The following NINJ2 variants were observed in gnomAD, a reference collection of about 807,000 sequenced individuals.
The protein encoded by NINJ2 is ninjurin-2.
A neutral mutation model predicts 11.7 loss-of-function variants in NINJ2; 12 were observed. The observed-to-expected ratio is 1.02, with a 90% CI of 0.66 to 1.66. NINJ2 has a LOEUF of 1.66. Ranked by LOEUF, NINJ2 falls within the 40% of genes most tolerant of loss-of-function variation. NINJ2 has a pLI of 0.00. For synonymous variants in NINJ2, 93 were observed against 76.8 expected (o/e 1.21, Z -1.10); for missense variants, 187 against 181.8 (o/e 1.03, Z -0.16).
chr12:612,209 A>T (rs1258107963), intron 1 of NINJ2, among the ~76,000 whole-genome samples: 1 of 152,168 alleles, frequency 6.6e-6, no homozygotes, highest in Non-Finnish European at 1.5e-5. Context: ...CTGCACGCAG[A>T]CTATTACACA....
chr12:621,930 G>A (rs1196755096), intron 1 of NINJ2, among the ~76,000 whole-genome samples: 1 of 151,814 alleles, frequency 6.6e-6, no homozygotes, highest in African/African-American at 2.4e-5. Flanking sequence ...TCAGGAGTTC[G>A]TGACCAGCCT....
intron 1 of NINJ2, among the ~76,000 whole-genome samples, chr12:568,884 C>A (rs1031236208): frequency 3.2e-5 from 4 of 124,402 alleles, no homozygotes; most frequent in African/African-American, 7.4e-5. Context: ...ACACCCCCCC[C>A]CCCCCGCCCC....
chr12:647,751 A>G (rs971703510), intron 1 of NINJ2, among the ~76,000 whole-genome samples: 2 of 152,220 alleles, frequency 1.3e-5, no homozygotes, highest in Non-Finnish European at 1.5e-5. Context: ...GTGAAAATAC[A>G]GATTGCAGAA....
chr12:609,789 A>AAAAAG (rs71439346), intron 1 of NINJ2, among the ~76,000 whole-genome samples: 5 of 116,628 alleles, frequency 4.3e-5, no homozygotes, highest in Non-Finnish European at 9.2e-5. Flanking sequence ...AAAAAAAAAT[A>AAAAAG]GGGAAAACAA....
intron 1 of NINJ2, among the ~76,000 whole-genome samples, chr12:567,320 TG>T (rs36018882): frequency 0.34 from 51,250 of 151,682 alleles, 8,845 homozygotes; most frequent in East Asian, 0.59. Context: ...ACCTGCTGCG[TG>T]GGGACAGATG....
chr12:606,330 T>TA (rs1335935159), intron 1 of NINJ2, among the ~76,000 whole-genome samples: 2 of 152,088 alleles, frequency 1.3e-5, no homozygotes, highest in African/African-American at 4.8e-5. Context: ...ATGATAGAGA[T>TA]AAAAAATTAG....
At chr12:639,573 G>A (rs184382091) in intron 1 of NINJ2, among the ~76,000 whole-genome samples, 1 of 152,230 alleles carries the variant, frequency 6.6e-6, no homozygotes, top group East Asian at 1.9e-4. Flanking sequence ...AGTCCCCATT[G>A]CCACCCTAAC....
chr12:639,233 C>T (rs1470876776), intron 1 of NINJ2, among the ~76,000 whole-genome samples: 2 of 152,130 alleles, frequency 1.3e-5, no homozygotes, highest in Admixed American at 1.3e-4. Context: ...AAATAAATGT[C>T]TAAGTCAGTT....
chr12:565,365 C>T lies in NINJ2; in HGVS notation c.299G>A (p.Arg100Gln), dbSNP rs142270523. Reference sequence around the variant, plus strand: ...GGCTGCGTTGTTGAGCTGGTTGAGTCGCCACTGCTTTTCTACCTCATTCAG... The same window carrying T: ...GGCTGCGTTGTTGAGCTGGTTGAGTTGCCACTGCTTTTCTACCTCATTCAG... ...LNLNEVEKQW[R>Q]LNQLNNAATI... Residue 100 changes from arginine to glutamine, a missense_variant, in exon 3 of 4, where the codon CGA (arginine) becomes CAA (glutamine). Transcript: ENST00000305108. 3.5e-5 allele frequency: 57 copies of T among 1,614,042 alleles called. No individual in the cohort carries two copies. The highest frequency in any genetic ancestry group is 2.4e-4 in the East Asian group (11 of 44,906).
chr12:610,466 GGA>G, intron 1 of NINJ2: 1 of 1,534,568 alleles, frequency 6.5e-7, no homozygotes, highest in East Asian at 2.4e-5. Flanking sequence ...GTGGCTGAGA[GGA>G]AAAGGGTCAG....
At chr12:570,076 T>G (rs1480063977) in intron 1 of NINJ2, among the ~76,000 whole-genome samples, 2 of 152,182 alleles carry the variant, frequency 1.3e-5, no homozygotes, top group African/African-American at 4.8e-5. Context: ...CAAGTCTGGA[T>G]GGGCCGAACT....
At chr12:588,216 G>A (rs201389860) in intron 1 of NINJ2, among the ~76,000 whole-genome samples, 1,530 of 116,522 alleles carry the variant, frequency 0.013, 43 homozygotes, top group East Asian at 0.11. Context: ...AAGGGACGGA[G>A]GGGACGGAAG....
At chr12:611,364 G>A (rs1168201128) in intron 1 of NINJ2, among the ~76,000 whole-genome samples, 1 of 99,374 alleles carries the variant, frequency 1.0e-5, no homozygotes, top group Non-Finnish European at 2.1e-5. Flanking sequence ...CTTTCTTTTT[G>A]TCTTGCTCTG....
rs576524701 is a variant in NINJ2 at position 567,851 on chromosome 12, C to CA, written c.34-1674dup. Among the ~76,000 whole-genome samples the CA allele has an allele frequency of 2.6e-4, 39 of 152,112 alleles. 1 individual carries two copies. The South Asian group carries it at 7.9e-3, about 31-fold the overall frequency. The stretch of plus-strand genomic sequence containing the variant: ...CAAAATCCCGTCTCTACTAAAAATA[C>CA]AAAAAAATCAGCTGGGTATGGTGTC... On this transcript the variant is annotated intron_variant, in intron 1 of 3. Transcript: ENST00000305108.
At chr12:609,322 GA>G (rs1947992026) in intron 1 of NINJ2, among the ~76,000 whole-genome samples, 1 of 121,372 alleles carries the variant, frequency 8.2e-6, no homozygotes, top group Non-Finnish European at 1.9e-5. Flanking sequence ...GCTAGGTGCT[GA>G]ACGCACACGC....
intron 1 of NINJ2, among the ~76,000 whole-genome samples, chr12:656,611 T>C (rs1937876409): frequency 6.6e-6 from 1 of 151,580 alleles, no homozygotes; most frequent in South Asian, 2.1e-4. Context: ...TAGCCAGATG[T>C]GGTGGCGGGC....
chr12:608,274 T>C (rs1358632969), intron 1 of NINJ2, among the ~76,000 whole-genome samples: 2 of 152,146 alleles, frequency 1.3e-5, no homozygotes, highest in African/African-American at 4.8e-5. Context: ...AACTCTACCA[T>C]CATCCAACGG....
chr12:662,788 C>A (rs764907776), intron 1 of NINJ2, among the ~76,000 whole-genome samples: 29 of 152,186 alleles, frequency 1.9e-4, no homozygotes, highest in Non-Finnish European at 3.1e-4. Context: ...CTGCCTCTTC[C>A]TAGGAGATTA....
chr12:649,535 A>G (rs1396106523), intron 1 of NINJ2, among the ~76,000 whole-genome samples: 2 of 145,468 alleles, frequency 1.4e-5, no homozygotes, highest in East Asian at 2.0e-4. Context: ...ATATGTGTAT[A>G]TATATATATA....
Sources: allele counts gnomAD v4.1 joint callset (sites outside exome capture counted in the v4.1 genomes callset), GRCh38; gene constraint gnomAD v4.1.1; transcripts MANE v1.5; gene names NCBI Gene and HGNC (gene_info 2026-07-23, HGNC 2026-07-21).